The following ZNF730 variants were observed in gnomAD, a reference collection of about 807,000 sequenced individuals.
The protein encoded by ZNF730 is zinc finger protein 730.
A neutral mutation model predicts 12.6 loss-of-function variants in ZNF730; 12 were observed. The observed-to-expected ratio is 0.95, with a 90% CI of 0.61 to 1.54. The LOEUF is 1.54. Ranked by LOEUF, ZNF730 falls within the 40% of genes most tolerant of loss-of-function variation. The pLI is 0.00. For missense variants in ZNF730, 643 were observed against 583.5 expected (o/e 1.10, Z -1.05); for synonymous variants, 194 against 195.8 (o/e 0.99, Z 0.08).
intron 1 of ZNF730, among the ~76,000 whole-genome samples, chr19:23,101,389 C>T (rs1225776164): frequency 6.6e-6 from 1 of 152,224 alleles, no homozygotes; most frequent in African/African-American, 2.4e-5. Context: ...GAAATTGTGG[C>T]TTTCCTGCCC....
intron 1 of ZNF730, among the ~76,000 whole-genome samples, chr19:23,076,704 T>A (rs545635628): frequency 2.0e-5 from 3 of 152,130 alleles, no homozygotes; most frequent in African/African-American, 7.2e-5. Context: ...AACATTAAGA[T>A]TTTTTTGGTC....
At chr19:23,121,739 A>G (rs1970602172) in intron 1 of ZNF730, among the ~76,000 whole-genome samples, 1 of 152,306 alleles carries the variant, frequency 6.6e-6, no homozygotes, top group East Asian at 1.9e-4. Flanking sequence ...CCGTATGCCC[A>G]AGGCTACAGC....
intron 1 of ZNF730, among the ~76,000 whole-genome samples, chr19:23,109,358 A>AT (rs955777948): frequency 1.3e-5 from 2 of 151,526 alleles, no homozygotes; most frequent in Admixed American, 6.6e-5. Flanking sequence ...TCTCTCAAGT[A>AT]GCTGGGACTA....
intron 1 of ZNF730, among the ~76,000 whole-genome samples, chr19:23,094,616 G>A (rs1323816085): frequency 6.6e-6 from 1 of 152,052 alleles, no homozygotes; most frequent in Non-Finnish European, 1.5e-5. Context: ...TGGGATTACA[G>A]GCGTGTGCCA....
At chr19:23,145,174 C>G in intron 3 of ZNF730, 97 bp from the exon 4 acceptor site, 1 of 824,766 alleles carries the variant, frequency 1.2e-6, no homozygotes, top group Non-Finnish European at 1.7e-6. Flanking sequence ...TTTTGCTATG[C>G]TATCTTGTTA....
intron 1 of ZNF730, among the ~76,000 whole-genome samples, chr19:23,131,873 A>G (rs1169103076): frequency 6.6e-6 from 1 of 152,224 alleles, no homozygotes; most frequent in African/African-American, 2.4e-5. Context: ...AATTAGAATC[A>G]TGTGACTCTA....
intron 1 of ZNF730, among the ~76,000 whole-genome samples, chr19:23,105,059 G>A (rs6511404): frequency 0.98 from 149,390 of 151,990 alleles, 73,454 homozygotes; most frequent in Middle Eastern, 1. Context: ...TAATCAGGGC[G>A]AGTATAGGAC....
At chr19:23,112,748 A>G (rs1461863096), upstream of ZNF730, among the ~76,000 whole-genome samples, 2 of 152,112 alleles carry the variant, frequency 1.3e-5, no homozygotes, top group African/African-American at 4.8e-5. Flanking sequence ...AAAAAAAAAA[A>G]AACTGGAAGG....
At chr19:23,080,120 AT>A (rs1375272645) in intron 1 of ZNF730, among the ~76,000 whole-genome samples, 2 of 151,906 alleles carry the variant, frequency 1.3e-5, no homozygotes. Flanking sequence ...TAATTTTTGT[AT>A]TTTTAGTAGA....
intron 1 of ZNF730, among the ~76,000 whole-genome samples, chr19:23,118,393 T>G (rs528925124): frequency 4.6e-5 from 7 of 152,062 alleles, no homozygotes; most frequent in Admixed American, 6.6e-5. Context: ...TTTTAATTTT[T>G]ATGGGATGAT....
chr19:23,134,243 C>CT, intron 2 of ZNF730, 37 bp downstream of exon 2: 5 of 1,462,694 alleles, frequency 3.4e-6, no homozygotes, highest in Non-Finnish European at 4.6e-6. Context: ...CTAATATACC[C>CT]TATAGATTTC....
At chr19:23,117,913 G>A (rs1159156664) in intron 1 of ZNF730, among the ~76,000 whole-genome samples, 1 of 151,992 alleles carries the variant, frequency 6.6e-6, no homozygotes, top group Non-Finnish European at 1.5e-5. Flanking sequence ...TCCAGGCATC[G>A]CAGCCACGTA....
In ZNF730 at chr19:23,103,275, A is replaced by G. The variant is rs1410750642; in HGVS notation, c.-94+27888A>G. Among the ~76,000 whole-genome samples, 4 of 152,358 alleles carry G rather than the reference A, an allele frequency of 2.6e-5. No individual in the cohort carries two copies. In the East Asian group the frequency reaches 7.7e-4, roughly 29 times the overall value. On this transcript the variant is annotated intron_variant, in intron 1 of 2. Coordinates refer to the ZNF730 transcript ENST00000593635. ...TCAAACAAATGGTGGAAGGATTGTAAAAATCTTGCAAAGAATTCCATGTGT... is the reference window on the plus strand; with the variant it reads ...TCAAACAAATGGTGGAAGGATTGTAGAAATCTTGCAAAGAATTCCATGTGT...
rs574586510 is a variant in ZNF730, at chr19:23,137,001, T to C, written c.226+958T>C. 2.6e-5 allele frequency among the ~76,000 whole-genome samples: 4 copies of C among 152,144 alleles called. No homozygotes were observed. The East Asian group carries it at 7.7e-4, about 29-fold the overall frequency. On this transcript the variant is annotated intron_variant, in intron 3 of 3. Transcript: ENST00000597761. ...CTGGCCAACATAGTGAAACCCTGTC[T>C]CTACTAAAAATACAAAAAATTAGCC...
At chr19:23,101,597 T>C (rs1371712182) in intron 1 of ZNF730, among the ~76,000 whole-genome samples, 4 of 152,206 alleles carry the variant, frequency 2.6e-5, no homozygotes, top group African/African-American at 9.6e-5. Context: ...CAGATGAGAT[T>C]GTGACATATC....
At position 23,136,022 on chromosome 19, in the gene ZNF730, G is replaced by T; in HGVS notation, c.205G>T (p.Asp69Tyr). The change falls in exon 3 of 4, where the codon GAT becomes TAT. Residue 69 changes from aspartate to tyrosine, a missense_variant. By Grantham distance (160) the Asp-to-Tyr change is radical. Coordinates refer to ENST00000597761, the MANE Select transcript of ZNF730 (RefSeq NM_001277403.2). ...EKEPWNLKTH[D>Y]MVAKPPVICS... is the part of the protein sequence containing the mutation. ...AGAGCCTTGGAATTTGAAGACACATGATATGGTAGCCAAACCCCCAGGTAG... is the reference window on the plus strand; with the variant it reads ...AGAGCCTTGGAATTTGAAGACACATTATATGGTAGCCAAACCCCCAGGTAG... The T allele has an allele frequency of 6.2e-7, 1 of 1,605,254 alleles. No individual in the cohort carries two copies. The highest frequency in any genetic ancestry group is 2.3e-5 in the East Asian group (1 of 44,432).
intron 1 of ZNF730, among the ~76,000 whole-genome samples, chr19:23,088,859 T>G (rs1235615001): frequency 2.6e-5 from 4 of 152,128 alleles, no homozygotes; most frequent in African/African-American, 9.7e-5. Context: ...CCTTTTTGTT[T>G]GTTGGTTGGT....
At chr19:23,133,943 G>A (rs1376790157) in intron 1 of ZNF730, 137 bp from the exon 2 acceptor site, 3 of 984,124 alleles carry the variant, frequency 3.0e-6, no homozygotes, top group African/African-American at 3.3e-5. Context: ...ATATTTCTGT[G>A]TTGAAGGTTA....
At chr19:23,082,785 T>G (rs1211808412) in intron 1 of ZNF730, among the ~76,000 whole-genome samples, 1 of 152,140 alleles carries the variant, frequency 6.6e-6, no homozygotes, top group Non-Finnish European at 1.5e-5. Context: ...CACCGCAATC[T>G]CTGCCTCTTG....
Sources: gnomAD v4.1 joint callset for allele counts (sites outside exome capture counted in the v4.1 genomes callset) on GRCh38, gnomAD v4.1.1 for gene constraint, MANE v1.5 for transcripts, NCBI Gene and HGNC (gene_info 2026-07-23, HGNC 2026-07-21) for gene names.